The following PRELID2 variants were observed in gnomAD, a reference collection of about 807,000 sequenced individuals.
PRELID2 encodes PRELI domain-containing protein 2.
In PRELID2, 25 loss-of-function variants were observed where a neutral mutation model predicts 28.4. The ratio of observed to expected loss-of-function variants is 0.88; its 90% CI spans 0.64 to 1.23. The LOEUF is 1.23. Ranked by LOEUF, PRELID2 falls within the 50% of genes most tolerant of loss-of-function variation. The pLI, the probability that PRELID2 is intolerant of heterozygous loss-of-function variation, is 0.00. For synonymous variants in PRELID2, 76 were observed against 71.6 expected (o/e 1.06, Z -0.31); for missense variants, 201 against 214.4 (o/e 0.94, Z 0.39).
intron 1 of PRELID2, among the ~76,000 whole-genome samples, chr5:145,745,886 T>G (rs1372506419): frequency 8.2e-6 from 1 of 122,434 alleles, no homozygotes; most frequent in East Asian, 2.6e-4. Flanking sequence ...AAAAGAATTT[T>G]CAATCCAGAA....
chr5:145,640,513 G>A (rs1252438895), intron 1 of PRELID2, among the ~76,000 whole-genome samples: 8 of 145,504 alleles, frequency 5.5e-5, no homozygotes, highest in South Asian at 2.1e-4. Context: ...CCATGGTGGC[G>A]GGCGCCTGTG....
chr5:145,780,186 G>A (rs2149793376), intron 5 of PRELID2, among the ~76,000 whole-genome samples: 1 of 152,270 alleles, frequency 6.6e-6, no homozygotes, highest in Admixed American at 6.5e-5. Context: ...GGTGGCAGGT[G>A]CCTGTAATCT....
intron 5 of PRELID2, among the ~76,000 whole-genome samples, chr5:145,785,827 AG>A (rs1341907570): frequency 6.6e-6 from 1 of 152,208 alleles, no homozygotes; most frequent in Non-Finnish European, 1.5e-5. Context: ...CTCCAACTTT[AG>A]GGATGGCATC....
At chr5:145,622,378 A>C (rs920218043) in intron 1 of PRELID2, among the ~76,000 whole-genome samples, 1 of 152,144 alleles carries the variant, frequency 6.6e-6, no homozygotes, top group African/African-American at 2.4e-5. Context: ...TAGTGAAATA[A>C]AGTCATTTTA....
chr5:145,816,565 C>G (rs1754320764), intron 4 of PRELID2, among the ~76,000 whole-genome samples: 1 of 152,142 alleles, frequency 6.6e-6, no homozygotes, highest in Admixed American at 6.6e-5. Context: ...AGTTTTAACT[C>G]TTTCATTTAG....
At chr5:145,454,221 A>C in the PRELID2 span, among the ~76,000 whole-genome samples, 1 of 152,200 alleles carries the variant, frequency 6.6e-6, no homozygotes, top group Non-Finnish European at 1.5e-5. Context: ...TTTTGACAAA[A>C]TTCAACAGCC....
chr5:145,250,722 C>G, the PRELID2 span, among the ~76,000 whole-genome samples: 16 of 152,154 alleles, frequency 1.1e-4, no homozygotes, highest in African/African-American at 3.9e-4. Context: ...GGGATATTTT[C>G]CATGAAACAC....
At chr5:145,423,354 C>G in the PRELID2 span, among the ~76,000 whole-genome samples, 5 of 151,862 alleles carry the variant, frequency 3.3e-5, no homozygotes, top group South Asian at 1.0e-3. Context: ...TCCATTCTCC[C>G]CATCACTTTC....
intron 1 of PRELID2, among the ~76,000 whole-genome samples, chr5:145,555,444 A>G (rs1039116237): frequency 6.6e-6 from 1 of 152,198 alleles, no homozygotes; most frequent in Admixed American, 6.5e-5. Context: ...GTCACTTCAA[A>G]CAATGTCAAT....
the PRELID2 span, among the ~76,000 whole-genome samples, chr5:145,446,078 T>C: frequency 6.6e-6 from 1 of 152,028 alleles, no homozygotes; most frequent in Admixed American, 6.6e-5. Context: ...GTGGGATGAC[T>C]ATAGTTAACA....
the PRELID2 span, among the ~76,000 whole-genome samples, chr5:145,350,401 A>G: frequency 6.6e-6 from 1 of 152,172 alleles, no homozygotes; most frequent in Non-Finnish European, 1.5e-5. Context: ...CAGGGCTCCA[A>G]GTTTCAAAAT....
At chr5:145,344,899 A>G in the PRELID2 span, among the ~76,000 whole-genome samples, 2 of 152,128 alleles carry the variant, frequency 1.3e-5, no homozygotes, top group East Asian at 3.9e-4. Context: ...CATTACTTTT[A>G]CTGATTTTTA....
chr5:145,730,996 C>T (rs1202447828), intron 1 of PRELID2, among the ~76,000 whole-genome samples: 1 of 152,204 alleles, frequency 6.6e-6, no homozygotes, highest in East Asian at 1.9e-4. Flanking sequence ...CACCCTAAAA[C>T]TAATACATAC....
chr5:145,666,057 TAG>T (rs1278540787), intron 1 of PRELID2, among the ~76,000 whole-genome samples: 1 of 151,644 alleles, frequency 6.6e-6, no homozygotes, highest in Non-Finnish European at 1.5e-5. Context: ...AATTTGGAGA[TAG>T]AGTCTTCAGA....
the PRELID2 span, among the ~76,000 whole-genome samples, chr5:145,369,416 C>T: frequency 1.3e-5 from 2 of 152,018 alleles, no homozygotes; most frequent in South Asian, 4.1e-4. Context: ...ATGATGGCTT[C>T]CAACTTCATC....
At chr5:145,666,355 T>C (rs1428013889) in intron 1 of PRELID2, among the ~76,000 whole-genome samples, 1 of 152,114 alleles carries the variant, frequency 6.6e-6, no homozygotes, top group Admixed American at 6.6e-5. Flanking sequence ...CCTCCATCGC[T>C]GAAGCAGGAA....
At chr5:145,546,805 A>T (rs1752791903) in intron 1 of PRELID2, among the ~76,000 whole-genome samples, 1 of 152,196 alleles carries the variant, frequency 6.6e-6, no homozygotes, top group South Asian at 2.1e-4. Context: ...TGCCTATTCT[A>T]ATTTAGACAA....
At chr5:145,444,244 C>T in the PRELID2 span, among the ~76,000 whole-genome samples, 2 of 152,122 alleles carry the variant, frequency 1.3e-5, no homozygotes, top group Middle Eastern at 3.4e-3. Flanking sequence ...AGAATTTAAT[C>T]TTGTTGGGCA....
At chr5:145,355,217 A>G in the PRELID2 span, among the ~76,000 whole-genome samples, 1 of 152,188 alleles carries the variant, frequency 6.6e-6, no homozygotes, top group Non-Finnish European at 1.5e-5. Flanking sequence ...AAGCAAGTGG[A>G]AACTTCAAAA....
Sources: gnomAD v4.1 joint callset for allele counts (sites outside exome capture counted in the v4.1 genomes callset) on GRCh38, gnomAD v4.1.1 for gene constraint, MANE v1.5 for transcripts, NCBI Gene and HGNC (gene_info 2026-07-23, HGNC 2026-07-21) for gene names.